PPP1R12A: variants seen among roughly 807,000 people sequenced by gnomAD.
The protein encoded by PPP1R12A is myosin binding subunit.
In PPP1R12A, 19 loss-of-function variants were observed where a neutral mutation model predicts 139.6. That is an observed-to-expected ratio of 0.14 (90% CI 0.09 to 0.20). PPP1R12A has a LOEUF of 0.20. Among genes scored for constraint, PPP1R12A ranks in the 10% least tolerant of loss-of-function variants. The pLI, the probability that PPP1R12A is intolerant of heterozygous loss-of-function variation, is 1.00. For missense variants in PPP1R12A, 925 were observed against 1,211.5 expected (o/e 0.76, Z 3.51); for synonymous variants, 427 against 420.6 (o/e 1.02, Z -0.19).
At chr12:79,934,655 ACCC>A in intron 1 of PPP1R12A, 37 bp downstream of exon 1, 2 of 1,479,918 alleles carry the variant, frequency 1.4e-6, no homozygotes, top group Non-Finnish European at 1.8e-6. Context: ...GCCGACGAGA[ACCC>A]TCACGGTCAG....
chr12:79,915,898 C>T (rs1027535781), intron 1 of PPP1R12A, among the ~76,000 whole-genome samples: 4 of 151,878 alleles, frequency 2.6e-5, no homozygotes, highest in East Asian at 1.9e-4. Flanking sequence ...TCATGTTAAC[C>T]GTAAAGACAT....
At chr12:79,878,717 C>G (rs1883351996) in intron 1 of PPP1R12A, among the ~76,000 whole-genome samples, 1 of 152,024 alleles carries the variant, frequency 6.6e-6, no homozygotes, top group Admixed American at 6.5e-5. Flanking sequence ...AGGAAAAGTC[C>G]CTTATAAAAC....
At chr12:79,849,597 C>A (rs1033039504) in intron 2 of PPP1R12A, among the ~76,000 whole-genome samples, 3 of 152,028 alleles carry the variant, frequency 2.0e-5, no homozygotes, top group African/African-American at 7.2e-5. Context: ...TCTAAGATTC[C>A]TTGGAAAGAA....
intron 14 of PPP1R12A, 139 bp from the exon 15 acceptor site, chr12:79,798,723 G>A (rs1872746993): frequency 2.4e-6 from 1 of 413,468 alleles, no homozygotes; most frequent in South Asian, 1.1e-4. Context: ...AATGGTCTTT[G>A]AAATTCAATA....
intron 1 of PPP1R12A, among the ~76,000 whole-genome samples, chr12:79,919,266 A>G (rs1887242913): frequency 6.6e-6 from 1 of 151,322 alleles, no homozygotes; most frequent in Non-Finnish European, 1.5e-5. Context: ...TTATCCAGAA[A>G]GTCTTCTCAG....
chr12:79,820,867 T>C lies in PPP1R12A; in HGVS notation c.1021A>G (p.Lys341Glu). Residue 341 changes from lysine (K) to glutamate (E), a missense_variant, in exon 8 of 25, where the codon AAG (lysine) becomes GAG (glutamate). Lys to Glu is a moderately conservative substitution (Grantham distance 56). This residue lies in a region of PPP1R12A where 403 missense variants were observed against 463.7 expected (regional missense o/e 0.87). Transcript: ENST00000450142. The stretch of plus-strand genomic sequence containing the variant: ...TTTCCTTCTTCTTCTTCATCAACCT[T>C]TTCTTGTTCCAGAGATTCAATACGG... The part of the protein sequence containing the change: ...ASRIESLEQE[K>E]VDEEEEGKKD... 1 of 1,613,688 alleles carries C rather than the reference T, an allele frequency of 6.2e-7. No individual in the cohort carries two copies.
intron 14 of PPP1R12A, among the ~76,000 whole-genome samples, chr12:79,803,260 T>TCTTTGGAGAAG (rs1873417898): frequency 6.6e-6 from 1 of 152,228 alleles, no homozygotes; most frequent in East Asian, 1.9e-4. Flanking sequence ...TTGGGGTACC[T>TCTTTGGAGAAG]ATCTAGAGGA....
intron 1 of PPP1R12A, among the ~76,000 whole-genome samples, chr12:79,905,449 A>G (rs1470130486): frequency 1.3e-5 from 2 of 149,668 alleles, no homozygotes; most frequent in East Asian, 3.9e-4. Flanking sequence ...AAAAGAGTAA[A>G]CAAACTCAAA....
chr12:79,792,412 G>A (rs1871992383), intron 19 of PPP1R12A, among the ~76,000 whole-genome samples: 1 of 151,974 alleles, frequency 6.6e-6, no homozygotes, highest in Non-Finnish European at 1.5e-5. Flanking sequence ...GAATATAACT[G>A]GAGTACAATA....
At chr12:79,887,937 C>T (rs1245385169) in intron 1 of PPP1R12A, among the ~76,000 whole-genome samples, 1 of 152,098 alleles carries the variant, frequency 6.6e-6, no homozygotes, top group Non-Finnish European at 1.5e-5. Flanking sequence ...ACAGTAAGGA[C>T]ATAAAATTGT....
intron 24 of PPP1R12A, chr12:79,777,638 T>A: frequency 2.0e-6 from 2 of 985,078 alleles, no homozygotes; most frequent in Non-Finnish European, 2.4e-6. Context: ...GAATTTGCTT[T>A]ATTTGGTGCA....
intron 1 of PPP1R12A, among the ~76,000 whole-genome samples, chr12:79,898,419 G>A (rs1206259827): frequency 6.6e-6 from 1 of 152,156 alleles, no homozygotes; most frequent in African/African-American, 2.4e-5. Context: ...TGGTGCCACG[G>A]CACTCCAGCC....
chr12:79,882,716 C>T (rs1413937607), intron 1 of PPP1R12A, among the ~76,000 whole-genome samples: 1 of 152,098 alleles, frequency 6.6e-6, no homozygotes, highest in Non-Finnish European at 1.5e-5. Context: ...TCATATACTA[C>T]AGAGAAATCT....
intron 1 of PPP1R12A, among the ~76,000 whole-genome samples, chr12:79,913,102 T>C (rs1886716362): frequency 6.6e-6 from 1 of 152,212 alleles, no homozygotes; most frequent in Non-Finnish European, 1.5e-5. Flanking sequence ...CTCTGGTGAA[T>C]GAGATTGAAT....
intron 22 of PPP1R12A, chr12:79,782,464 T>C: frequency 2.6e-6 from 1 of 389,790 alleles, no homozygotes; most frequent in Non-Finnish European, 5.0e-6. Context: ...GCTCAGGCCT[T>C]TCATTTTTTC....
intron 5 of PPP1R12A, among the ~76,000 whole-genome samples, chr12:79,827,155 C>G (rs1022272238): frequency 1.4e-4 from 21 of 152,120 alleles, no homozygotes; most frequent in Non-Finnish European, 2.5e-4. Flanking sequence ...TGAAAAACAA[C>G]AGAGAAAGTA....
Position 79,773,572 on chromosome 12 carries a change from G to A in PPP1R12A, c.*2357C>T, listed in dbSNP as rs576983028. ...ATAAAAAAACTAGTTCTCAGATTCT[G>A]CATACAGACAGCTTTATGTAAAATA... On this transcript the variant is annotated 3_prime_UTR_variant, in exon 25 of 25. Coordinates refer to ENST00000450142, the MANE Select transcript of PPP1R12A (RefSeq NM_002480.3). 3.9e-5 allele frequency: 6 copies of A among 151,970 alleles called. No individual in the cohort carries two copies. The highest frequency in any genetic ancestry group is 8.8e-5 in the Non-Finnish European group (6 of 68,008). 9.4% of individuals were successfully genotyped at this position (151,970 alleles called of 1,614,324 possible).
At chr12:79,776,042 G>A (rs1869675236) in intron 24 of PPP1R12A, 27 bp from the exon 25 acceptor site, 1 of 1,316,816 alleles carries the variant, frequency 7.6e-7, no homozygotes, top group Non-Finnish European at 1.1e-6. Context: ...TGAAGATCAA[G>A]TTTTACCTTC....
At chr12:79,836,408 T>C (rs1878087924) in intron 3 of PPP1R12A, among the ~76,000 whole-genome samples, 1 of 152,192 alleles carries the variant, frequency 6.6e-6, no homozygotes, top group African/African-American at 2.4e-5. Context: ...CTGATTTTTA[T>C]TGTCTTTTAC....
Sources: allele counts gnomAD v4.1 joint callset (sites outside exome capture counted in the v4.1 genomes callset), GRCh38; gene constraint gnomAD v4.1.1; regional missense constraint gnomAD v4.1.1; transcripts MANE v1.5; gene names NCBI Gene and HGNC (gene_info 2026-07-23, HGNC 2026-07-21).